Variants in OR51B5 observed in about 807,000 individuals in gnomAD.
The protein encoded by OR51B5 is olfactory receptor 51B5.
For missense variants in OR51B5, 456 were observed against 374.6 expected (o/e 1.22, Z -1.79); for synonymous variants, 186 against 144.8 (o/e 1.28, Z -2.04).
chr11:5,442,461 G>C (rs1473612091), intron 1 of OR51B5, among the ~76,000 whole-genome samples: 1 of 151,998 alleles, frequency 6.6e-6, no homozygotes, highest in Non-Finnish European at 1.5e-5. Context: ...CTAATCCAGT[G>C]GATATTCATT....
intron 1 of OR51B5, among the ~76,000 whole-genome samples, chr11:5,362,022 G>C (rs939244308): frequency 3.9e-5 from 6 of 152,214 alleles, no homozygotes; most frequent in African/African-American, 1.4e-4. Context: ...ATTGAGTAAA[G>C]CAAACTTTGA....
intron 1 of OR51B5, among the ~76,000 whole-genome samples, chr11:5,369,195 T>C (rs1849415721): frequency 6.7e-6 from 1 of 149,004 alleles, no homozygotes; most frequent in African/African-American, 2.5e-5. Flanking sequence ...CATTCACACA[T>C]ATAACCTGAG....
chr11:5,409,608 GAAAGCACAAAAATTGAAAATAT>G (rs1422125180), intron 1 of OR51B5, among the ~76,000 whole-genome samples: 76 of 152,126 alleles, frequency 5.0e-4, no homozygotes, highest in African/African-American at 1.5e-3. Flanking sequence ...ATAGCCAAAT[GAAAGCACAAAAATTGAAAATAT>G]AAAGCACAAA....
rs1851597749 is a variant in OR51B5, at chr11:5,492,693, G to A, written n.84+12876C>T. Among the ~76,000 whole-genome samples the A allele has an allele frequency of 2.0e-5, 3 of 152,194 alleles. No homozygotes were observed. In the South Asian group the frequency reaches 6.2e-4, roughly 32 times the overall value. On this transcript the variant is annotated intron_variant and non_coding_transcript_variant, in intron 1 of 4. Transcript: ENST00000415970. ...TCTTTGTTAATCAGGCGGGAGTACA[G>A]TGGCACAATCTCGACTTACTGCAAC...
At chr11:5,440,685 A>G (rs771268858) in intron 1 of OR51B5, 20 of 1,613,848 alleles carry the variant, frequency 1.2e-5, no homozygotes. Flanking sequence ...ATTGGACATC[A>G]TGACATGAAC....
At chr11:5,377,196 C>G (rs1458269758) in intron 1 of OR51B5, among the ~76,000 whole-genome samples, 1 of 151,952 alleles carries the variant, frequency 6.6e-6, no homozygotes, top group African/African-American at 2.4e-5. Flanking sequence ...ATAAACAGAA[C>G]CAAAGACAAA....
intron 1 of OR51B5, among the ~76,000 whole-genome samples, chr11:5,370,488 C>T (rs1354633574): frequency 6.6e-6 from 1 of 152,124 alleles, no homozygotes; most frequent in Non-Finnish European, 1.5e-5. Context: ...TAATTTAATG[C>T]CAGAAAATAT....
upstream of OR51B5, among the ~76,000 whole-genome samples, chr11:5,347,681 A>G (rs992069517): frequency 6.6e-6 from 1 of 152,182 alleles, no homozygotes; most frequent in African/African-American, 2.4e-5. Context: ...GCCAGGACAG[A>G]GACAGAGATC....
In OR51B5 at chr11:5,476,064, A is replaced by G. The variant is rs1387513086; in HGVS notation, n.84+29505T>C. On this transcript the variant is annotated intron_variant and non_coding_transcript_variant, in intron 1 of 4. Transcript: ENST00000415970. Reference sequence around the variant, plus strand: ...CATAAAGTGATTTACTCACTTTTCTACCTTAATTAATCCAAGTCCATGCGC... The same window carrying G: ...CATAAAGTGATTTACTCACTTTTCTGCCTTAATTAATCCAAGTCCATGCGC... 3.3e-5 allele frequency among the ~76,000 whole-genome samples: 5 copies of G among 152,172 alleles called. No individual in the cohort carries two copies. In the East Asian group the frequency reaches 9.6e-4, roughly 29 times the overall value.
chr11:5,396,724 A>G (rs1849877811), intron 1 of OR51B5, among the ~76,000 whole-genome samples: 2 of 151,874 alleles, frequency 1.3e-5, no homozygotes, highest in African/African-American at 2.4e-5. Context: ...ATATGGAACC[A>G]AAAAAGAGCC....
chr11:5,349,919 C>A (rs1178101835), intron 1 of OR51B5, among the ~76,000 whole-genome samples: 4 of 152,038 alleles, frequency 2.6e-5, no homozygotes, highest in Non-Finnish European at 5.9e-5. Context: ...ATTTTATCTG[C>A]TGATTAGAGA....
chr11:5,480,746 T>A (rs545952349), intron 1 of OR51B5, among the ~76,000 whole-genome samples: 115 of 149,584 alleles, frequency 7.7e-4, no homozygotes, highest in African/African-American at 2.5e-3. Flanking sequence ...GGAAATAAAC[T>A]AGAAAATCTA....
At chr11:5,347,331 C>A (rs1422059718), upstream of OR51B5, among the ~76,000 whole-genome samples, 1 of 152,144 alleles carries the variant, frequency 6.6e-6, no homozygotes, top group Admixed American at 6.6e-5. Context: ...AGCTTGAAAG[C>A]AGAGAGCTAG....
At chr11:5,472,537 C>G (rs1281457230) in intron 1 of OR51B5, among the ~76,000 whole-genome samples, 1 of 152,162 alleles carries the variant, frequency 6.6e-6, no homozygotes, top group East Asian at 1.9e-4. Flanking sequence ...TTCAGAGTCC[C>G]CTGGTTCTGC....
At chr11:5,378,128 A>C (rs1397500820) in intron 1 of OR51B5, among the ~76,000 whole-genome samples, 1 of 151,894 alleles carries the variant, frequency 6.6e-6, no homozygotes, top group East Asian at 1.9e-4. Flanking sequence ...GATCAATGGA[A>C]CAGAACAGAG....
chr11:5,478,980 G>T (rs1215369254), intron 1 of OR51B5, among the ~76,000 whole-genome samples: 2 of 152,044 alleles, frequency 1.3e-5, no homozygotes, highest in South Asian at 2.1e-4. Context: ...AGCAAGGCAG[G>T]TCAACGTTCA....
intron 1 of OR51B5, among the ~76,000 whole-genome samples, chr11:5,428,496 A>C (rs747422585): frequency 6.6e-6 from 1 of 152,230 alleles, no homozygotes; most frequent in Non-Finnish European, 1.5e-5. Context: ...TTTGTAAAAA[A>C]TGCGACATCT....
chr11:5,465,583 C>T (rs1260172788), intron 1 of OR51B5, among the ~76,000 whole-genome samples: 1 of 148,284 alleles, frequency 6.7e-6, no homozygotes, highest in South Asian at 2.2e-4. Flanking sequence ...GTAACCAAAA[C>T]AGCATGGTAC....
intron 1 of OR51B5, among the ~76,000 whole-genome samples, chr11:5,366,669 G>GAGAAGA (rs376009034): frequency 6.0e-5 from 9 of 149,840 alleles, no homozygotes; most frequent in African/African-American, 2.0e-4. Context: ...AAGGAAGGAA[G>GAGAAGA]AGAAGAAGAA....
Sources: allele counts gnomAD v4.1 joint callset (sites outside exome capture counted in the v4.1 genomes callset), GRCh38; gene constraint gnomAD v4.1.1; transcripts MANE v1.5; gene names NCBI Gene and HGNC (gene_info 2026-07-23, HGNC 2026-07-21).